The following DACH2 variants were observed in gnomAD, a reference collection of about 807,000 sequenced individuals.
DACH2 encodes the protein dachshund homolog 2.
Under a neutral mutation model 35.8 loss-of-function variants are expected in DACH2, and 17 were observed. The observed-to-expected ratio is 0.48, with a 90% confidence interval of 0.33 to 0.71. The LOEUF is 0.71. Ranked by LOEUF, DACH2 falls within the 30% of genes least tolerant of loss-of-function variation. The probability of loss-of-function intolerance (pLI) is 0.02; values close to 1 mark genes in which losing one functional copy is unlikely to be tolerated. For missense variants in DACH2, 469 were observed against 472.7 expected, an observed-to-expected ratio of 0.99 and a Z score of 0.07; for synonymous variants, 195 against 177.3, an observed-to-expected ratio of 1.10 and a Z score of -0.79.
intron 1 of DACH2, chrX:86,160,588 C>A: frequency 2.0e-6 from 1 of 504,179 alleles, no homozygotes; most frequent in South Asian, 2.8e-5. Context: ...TCAGGATGAT[C>A]ACCTGAGCAG....
intron 1 of DACH2, among the ~76,000 whole-genome samples, chrX:86,204,599 C>G (rs1482507146): frequency 9.0e-6 from 1 of 111,644 alleles, no homozygotes; most frequent in Non-Finnish European, 1.9e-5. Flanking sequence ...TGAGTTGCGT[C>G]AGTTGACTTG....
intron 1 of DACH2, among the ~76,000 whole-genome samples, chrX:86,277,016 T>A (rs2033928127): frequency 8.9e-6 from 1 of 111,857 alleles, no homozygotes; most frequent in Non-Finnish European, 1.9e-5. Flanking sequence ...CTGTTCTGGG[T>A]CTTTTGTAGT....
At chrX:86,225,191 T>TG (rs1359037625) in intron 1 of DACH2, among the ~76,000 whole-genome samples, 1 of 111,972 alleles carries the variant, frequency 8.9e-6, no homozygotes, top group Non-Finnish European at 1.9e-5. Flanking sequence ...GCTGATCACT[T>TG]GCGTTGAGCA....
chrX:86,412,306 G>A (rs937282344), intron 2 of DACH2, among the ~76,000 whole-genome samples: 1 of 111,336 alleles, frequency 9.0e-6, no homozygotes, highest in Non-Finnish European at 1.9e-5. Flanking sequence ...GATGGTGAGT[G>A]ATGCCACTTC....
At chrX:86,660,369 C>A (rs1027071224) in intron 4 of DACH2, among the ~76,000 whole-genome samples, 1 of 111,817 alleles carries the variant, frequency 8.9e-6, no homozygotes, top group African/African-American at 3.2e-5. Context: ...CTGTTCCCTT[C>A]AAGGTATTTG....
chrX:86,292,519 G>A (rs1226608475), intron 1 of DACH2, among the ~76,000 whole-genome samples: 1 of 111,122 alleles, frequency 9.0e-6, no homozygotes, highest in African/African-American at 3.3e-5. Context: ...TGTGATGTTA[G>A]GTTGTCAATT....
intron 7 of DACH2, among the ~76,000 whole-genome samples, chrX:86,748,382 C>T (rs895143514): frequency 1.1e-4 from 12 of 111,955 alleles, no homozygotes; most frequent in Non-Finnish European, 1.3e-4. Flanking sequence ...TCTTAAATAA[C>T]GAAACTCGAA....
chrX:86,259,403 T>G (rs2033584563), intron 1 of DACH2, among the ~76,000 whole-genome samples: 1 of 111,578 alleles, frequency 9.0e-6, no homozygotes, highest in African/African-American at 3.3e-5. Context: ...ATTCAATGAT[T>G]TATGGGGATA....
chrX:86,508,557 C>T (rs1474722591), intron 2 of DACH2, among the ~76,000 whole-genome samples: 1 of 102,583 alleles, frequency 9.7e-6, no homozygotes, highest in African/African-American at 3.7e-5. Flanking sequence ...GAGACTCTGT[C>T]TCAAAATAAA....
chrX:86,360,850 T>C (rs2035728546), intron 1 of DACH2, among the ~76,000 whole-genome samples: 1 of 111,305 alleles, frequency 9.0e-6, no homozygotes, highest in African/African-American at 3.2e-5. Flanking sequence ...TATTAAATAA[T>C]ATTTTAATGG....
chrX:86,260,805 A>G (rs1311051637), intron 1 of DACH2, among the ~76,000 whole-genome samples: 2 of 82,469 alleles, frequency 2.4e-5, no homozygotes, highest in Non-Finnish European at 4.2e-5. Flanking sequence ...AAGGATTGGA[A>G]CTCAGATGGG....
At chrX:86,790,297 G>A (rs1276873988) in intron 7 of DACH2, among the ~76,000 whole-genome samples, 2 of 111,983 alleles carry the variant, frequency 1.8e-5, no homozygotes, top group Non-Finnish European at 3.8e-5. Flanking sequence ...AGCTCAAGTT[G>A]TATACAGCTA....
intron 3 of DACH2, among the ~76,000 whole-genome samples, chrX:86,515,094 A>G (rs2038448214): frequency 9.0e-6 from 1 of 111,565 alleles, no homozygotes; most frequent in Non-Finnish European, 1.9e-5. Context: ...TTTAATAACA[A>G]TGATATCTTT....
chrX:86,345,486 A>C (rs1339147570), intron 1 of DACH2: 28 of 274,217 alleles, frequency 1.0e-4, no homozygotes, highest in Admixed American at 4.2e-4. Context: ...AGAGGGAGAA[A>C]GTTATGAGGA....
At chrX:86,598,752 C>CA (rs1252657529) in intron 3 of DACH2, among the ~76,000 whole-genome samples, 3 of 107,777 alleles carry the variant, frequency 2.8e-5, no homozygotes, top group Non-Finnish European at 3.8e-5. Flanking sequence ...CACACTGTTC[C>CA]AAAAAAAAGT....
chrX:86,331,981 G>A (rs187971660), intron 1 of DACH2, among the ~76,000 whole-genome samples: 128 of 111,697 alleles, frequency 1.1e-3, no homozygotes, highest in African/African-American at 4.1e-3. Flanking sequence ...ATTTTTCACC[G>A]ACATGGAGTT....
chrX:86,200,177 A>G (rs1308539826), intron 1 of DACH2, among the ~76,000 whole-genome samples: 1 of 111,271 alleles, frequency 9.0e-6, no homozygotes, highest in Non-Finnish European at 1.9e-5. Flanking sequence ...CAAAGCTGAC[A>G]TAGACAACCA....
intron 3 of DACH2, among the ~76,000 whole-genome samples, chrX:86,572,071 C>T (rs778997466): frequency 3.6e-5 from 4 of 110,874 alleles, no homozygotes; most frequent in East Asian, 2.9e-4. Flanking sequence ...GAAAGCGGAA[C>T]ATCACACACC....
chrX:86,425,280 A>G (rs762495902), intron 2 of DACH2, among the ~76,000 whole-genome samples: 21 of 110,682 alleles, frequency 1.9e-4, no homozygotes, highest in South Asian at 7.5e-4. Context: ...AATGTTTGGT[A>G]GAATTCAGCA....
Sources: allele counts gnomAD v4.1 joint callset (sites outside exome capture counted in the v4.1 genomes callset), GRCh38; gene constraint gnomAD v4.1.1; transcripts MANE v1.5; gene names NCBI Gene and HGNC (gene_info 2026-07-23, HGNC 2026-07-21).